The following AGT variants were observed in gnomAD, a reference collection of about 807,000 sequenced individuals.
The protein encoded by AGT is alpha-1 antiproteinase, antitrypsin.
In AGT, 26 loss-of-function variants were observed where a neutral mutation model predicts 28.1. The observed-to-expected ratio is 0.92, with a 90% CI of 0.68 to 1.28. The LOEUF is 1.28. AGT is among the 50% of genes most tolerant of loss of function. The pLI is 0.00. For synonymous variants in AGT, 259 were observed against 259.6 expected (o/e 1.00, Z 0.02); for missense variants, 596 against 592.3 (o/e 1.01, Z -0.06).
At chr1:230,709,436 TAA>T (rs34924695) in intron 2 of AGT, among the ~76,000 whole-genome samples, 112 of 131,290 alleles carry the variant, frequency 8.5e-4, no homozygotes, top group Middle Eastern at 4.0e-3. Context: ...CCTGTCTCAA[TAA>T]AAAAAAAAAA....
chr1:230,710,402 G>A lies in AGT; in HGVS notation c.422C>T (p.Ala141Val), dbSNP rs1247845843. Reference protein sequence around the residue: ...FGTLASLYLGALDHTADRLQA... With the variant: ...FGTLASLYLGVLDHTADRLQA... ...TAGCCTGTCAGCTGTGTGGTCCAAG[G>A]CTCCCAGATAGAGAGAGGCCAGGGT... The change falls in exon 2 of 5, where the codon GCC becomes GTC. Residue 141 changes from alanine (A) to valine (V), a missense_variant. By Grantham distance (64) the Ala-to-Val change is moderately conservative. Coordinates refer to ENST00000366667, the MANE Select transcript of AGT (RefSeq NM_001384479.1). The A allele has an allele frequency of 1.9e-6, 3 of 1,614,220 alleles. No homozygotes were observed. Among genetic ancestry groups the A allele is most frequent in the East Asian group, 2.2e-5 (1 of 44,882 alleles).
intron 1 of AGT, among the ~76,000 whole-genome samples, chr1:230,734,500 G>A (rs1664121205): frequency 6.6e-6 from 1 of 152,092 alleles, no homozygotes; most frequent in Non-Finnish European, 1.5e-5. Flanking sequence ...AAATATACTT[G>A]ATGCCAATGA....
At chr1:230,720,001 G>A (rs935672636) in intron 1 of AGT, among the ~76,000 whole-genome samples, 1 of 152,132 alleles carries the variant, frequency 6.6e-6, no homozygotes, top group African/African-American at 2.4e-5. Context: ...TTAAGGCAGG[G>A]CATAATTTTA....
rs138986949 is a variant in AGT at position 230,738,914 on chromosome 1, G to A, written c.-31+6601C>T. ...CACAGACAATATAAAAATCTCTGTA[G>A]TCAAAGGACTTTTAAAAAAATTACA... is the stretch of plus-strand genomic sequence containing the variant. On this transcript the variant is annotated intron_variant, in intron 1 of 4. Coordinates refer to the AGT transcript ENST00000681269. Among the ~76,000 whole-genome samples the A allele has an allele frequency of 5.0e-4, 76 of 152,140 alleles. 1 individual carries two copies. The East Asian group carries it at 0.013, about 26-fold the overall frequency.
At chr1:230,737,741 A>G (rs1664181193) in intron 1 of AGT, among the ~76,000 whole-genome samples, 1 of 152,216 alleles carries the variant, frequency 6.6e-6, no homozygotes, top group Non-Finnish European at 1.5e-5. Flanking sequence ...GATGTAATTC[A>G]GATACTGTAC....
chr1:230,722,488 A>C lies in AGT; in HGVS notation c.-30-11635T>G, dbSNP rs186971959. 4.7e-4 allele frequency among the ~76,000 whole-genome samples: 71 copies of C among 152,288 alleles called. No homozygotes were observed. The East Asian group carries it at 0.012, about 26-fold the overall frequency. ...TAGATCCACCTGGCTTGCACCATGC[A>C]CCTGGAAAAGCCACAGACACTCAAT... is the stretch of plus-strand genomic sequence containing the variant. On this transcript the variant is annotated intron_variant, in intron 1 of 4. Transcript: ENST00000681269.
intron 1 of AGT, among the ~76,000 whole-genome samples, chr1:230,735,754 C>T (rs766492787): frequency 6.6e-6 from 1 of 152,104 alleles, no homozygotes; most frequent in Non-Finnish European, 1.5e-5. Flanking sequence ...CCCATCAGCT[C>T]CCATCCCGCC....
At chr1:230,723,973 C>A (rs756281709) in intron 1 of AGT, among the ~76,000 whole-genome samples, 3 of 152,190 alleles carry the variant, frequency 2.0e-5, no homozygotes, top group Non-Finnish European at 4.4e-5. Context: ...GTCAACCTGG[C>A]AACTAAAGAA....
At chr1:230,712,801 G>A (rs1036017185) in intron 1 of AGT, among the ~76,000 whole-genome samples, 2 of 152,168 alleles carry the variant, frequency 1.3e-5, no homozygotes, top group East Asian at 1.9e-4. Flanking sequence ...ACGCAGCCGC[G>A]TCCTGGGAGT....
chr1:230,715,701 G>A (rs1177784028), upstream of AGT, among the ~76,000 whole-genome samples: 1 of 152,166 alleles, frequency 6.6e-6, no homozygotes, highest in African/African-American at 2.4e-5. Context: ...ACAAGGGGGA[G>A]GTAAGGATCT....
upstream of AGT, among the ~76,000 whole-genome samples, chr1:230,717,612 GGC>G (rs1663763775): frequency 6.6e-6 from 1 of 152,136 alleles, no homozygotes; most frequent in African/African-American, 2.4e-5. Flanking sequence ...CCTTGGAAGA[GGC>G]ATGTGAGCCC....
chr1:230,723,448 G>C (rs1663883737), intron 1 of AGT, among the ~76,000 whole-genome samples: 1 of 152,202 alleles, frequency 6.6e-6, no homozygotes, highest in Non-Finnish European at 1.5e-5. Context: ...TATATTTCAT[G>C]TTGAATTTTG....
upstream of AGT, among the ~76,000 whole-genome samples, chr1:230,714,898 A>G (rs1016536600): frequency 6.6e-6 from 1 of 152,220 alleles, no homozygotes; most frequent in East Asian, 1.9e-4. Context: ...TGTAGTCATT[A>G]TAACAGGGCA....
intron 3 of AGT, 25 bp from the exon 4 acceptor site, chr1:230,704,362 A>G (rs1297307262): frequency 1.2e-6 from 2 of 1,613,282 alleles, no homozygotes; most frequent in Non-Finnish European, 8.5e-7. Flanking sequence ...CACAGTTAGG[A>G]AGGCTCCAGG....
At chr1:230,728,110 C>T (rs1663978570) in intron 1 of AGT, among the ~76,000 whole-genome samples, 1 of 152,134 alleles carries the variant, frequency 6.6e-6, no homozygotes, top group Non-Finnish European at 1.5e-5. Flanking sequence ...GAGCCTGCTT[C>T]TAGGTCAGGG....
intron 1 of AGT, among the ~76,000 whole-genome samples, chr1:230,743,872 G>A (rs577976120): frequency 1.6e-4 from 25 of 152,362 alleles, no homozygotes; most frequent in African/African-American, 5.8e-4. Context: ...GAAACAAAGG[G>A]AGTTCGCCAC....
intron 1 of AGT, among the ~76,000 whole-genome samples, chr1:230,725,817 G>A (rs1663929887): frequency 6.6e-6 from 1 of 152,148 alleles, no homozygotes; most frequent in Non-Finnish European, 1.5e-5. Flanking sequence ...AGGACTGCTA[G>A]GAAAGGCTCC....
chr1:230,740,300 T>A (rs994670166), intron 1 of AGT, among the ~76,000 whole-genome samples: 5 of 152,126 alleles, frequency 3.3e-5, no homozygotes, highest in African/African-American at 1.2e-4. Flanking sequence ...CTGCATCTTG[T>A]TTTATTTATC....
At position 230,705,791 on chromosome 1, in the gene AGT, G is replaced by A. The variant is rs61757181; in HGVS notation, c.1097+142C>T. On this transcript the variant is annotated intron_variant, in intron 3 of 4. Coordinates refer to ENST00000366667, the MANE Select transcript of AGT (RefSeq NM_001384479.1). The stretch of plus-strand genomic sequence containing the variant: ...GGACTGGTAGACAGACACACAGGCC[G>A]CCTGCCCAGCCCCGTGCCACCGCGG... 4.4e-4 allele frequency: 457 copies of A among 1,043,088 alleles called. 2 individuals carry two copies. In the African/African-American group the frequency reaches 6.3e-3, roughly 14 times the overall value. The allele number at this position is 1,043,088 out of a possible 1,614,324, so 64.6% of individuals were successfully genotyped here. A position where few individuals can be genotyped will look rare whatever the true frequency, so the allele number is the denominator to read the frequency against.
Sources: gnomAD v4.1 joint callset for allele counts (sites outside exome capture counted in the v4.1 genomes callset) on GRCh38, gnomAD v4.1.1 for gene constraint, MANE v1.5 for transcripts, NCBI Gene and HGNC (gene_info 2026-07-23, HGNC 2026-07-21) for gene names.